Variants in MAPK10 observed in about 807,000 individuals in gnomAD.
The protein encoded by MAPK10 is JNK3 alpha protein kinase.
A neutral mutation model predicts 59.3 loss-of-function variants in MAPK10; 25 were observed. The ratio of observed to expected loss-of-function variants is 0.42; its 90% confidence interval spans 0.31 to 0.59. MAPK10 has a LOEUF of 0.59. MAPK10 is among the 20% of genes least tolerant of loss of function. The pLI is 0.15. For synonymous variants in MAPK10, 190 were observed against 200.5 expected, an observed-to-expected ratio of 0.95 and a Z score of 0.44; for missense variants, 351 against 568.9, an observed-to-expected ratio of 0.62 and a Z score of 3.90.
chr4:86,263,745 G>A (rs1360497740), intron 2 of MAPK10, among the ~76,000 whole-genome samples: 1 of 152,100 alleles, frequency 6.6e-6, no homozygotes, highest in Admixed American at 6.6e-5. Context: ...CTGCAAATTA[G>A]GAAGAACAAG....
chr4:86,218,783 T>C (rs1482112876), intron 2 of MAPK10, among the ~76,000 whole-genome samples: 1 of 152,168 alleles, frequency 6.6e-6, no homozygotes, highest in African/African-American at 2.4e-5. Flanking sequence ...TGGAAAAATC[T>C]AACGATATAA....
chr4:86,318,069 C>T (rs2095823779), intron 2 of MAPK10, among the ~76,000 whole-genome samples: 1 of 152,124 alleles, frequency 6.6e-6, no homozygotes. Flanking sequence ...CATAAGGACA[C>T]CAATTATATT....
chr4:86,152,360 C>G (rs1203992789), intron 4 of MAPK10: 6 of 152,116 alleles, frequency 3.9e-5, no homozygotes, highest in Admixed American at 3.9e-4. Context: ...TGACTGAGTA[C>G]CTTCCCTGAT....
At chr4:86,527,801 C>A (rs777969566) in intron 1 of MAPK10, among the ~76,000 whole-genome samples, 4 of 152,122 alleles carry the variant, frequency 2.6e-5, no homozygotes, top group Non-Finnish European at 4.4e-5. Flanking sequence ...AAAATATACA[C>A]CATGAAATAC....
intron 1 of MAPK10, among the ~76,000 whole-genome samples, chr4:86,509,255 G>T (rs1756026555): frequency 6.6e-6 from 1 of 151,978 alleles, no homozygotes; most frequent in South Asian, 2.1e-4. Context: ...GTAAATTGAG[G>T]TTTCCCTAAC....
chr4:86,217,800 A>T (rs1340008385), intron 2 of MAPK10, among the ~76,000 whole-genome samples: 3 of 149,660 alleles, frequency 2.0e-5, no homozygotes, highest in Non-Finnish European at 1.5e-5. Context: ...GGTAAATGCT[A>T]TATATATGCT....
intron 1 of MAPK10, among the ~76,000 whole-genome samples, chr4:86,355,148 CTT>C (rs1157937851): frequency 6.6e-6 from 1 of 152,148 alleles, no homozygotes; most frequent in Admixed American, 6.6e-5. Flanking sequence ...TACTAACCTA[CTT>C]TTTCACCATT....
At chr4:86,135,396 T>G (rs899197277) in intron 4 of MAPK10, among the ~76,000 whole-genome samples, 2 of 152,126 alleles carry the variant, frequency 1.3e-5, no homozygotes, top group Non-Finnish European at 2.9e-5. Flanking sequence ...CCGAGCAGCC[T>G]AACTGGGAGG....
intron 2 of MAPK10, among the ~76,000 whole-genome samples, chr4:86,329,382 C>G (rs958158755): frequency 2.6e-5 from 4 of 152,088 alleles, no homozygotes; most frequent in Non-Finnish European, 5.9e-5. Context: ...TTGGTTCTAC[C>G]CTTTTTTATA....
At chr4:86,101,576 T>C in intron 7 of MAPK10, 1 of 403,560 alleles carries the variant, frequency 2.5e-6, no homozygotes, top group South Asian at 3.7e-5. Context: ...GGAAGCTGTC[T>C]TTATGCTGCC....
At chr4:86,075,725 C>T (rs949591487) in intron 9 of MAPK10, among the ~76,000 whole-genome samples, 13 of 151,944 alleles carry the variant, frequency 8.6e-5, no homozygotes, top group African/African-American at 3.1e-4. Context: ...GGGTCAGGGA[C>T]CCACTTGAGG....
At chr4:86,390,468 G>A (rs1258743161) in intron 1 of MAPK10, among the ~76,000 whole-genome samples, 2 of 152,192 alleles carry the variant, frequency 1.3e-5, no homozygotes, top group African/African-American at 4.8e-5. Context: ...AACTTGGGCA[G>A]GATGCTACCT....
chr4:86,494,392 G>A (rs966572596), intron 1 of MAPK10, among the ~76,000 whole-genome samples: 2 of 152,176 alleles, frequency 1.3e-5, no homozygotes, highest in Admixed American at 6.5e-5. Context: ...GGGGACTGGC[G>A]TTCCACATGG....
intron 1 of MAPK10, among the ~76,000 whole-genome samples, chr4:86,510,832 A>T (rs1176171260): frequency 1.3e-5 from 2 of 152,164 alleles, no homozygotes; most frequent in East Asian, 3.9e-4. Flanking sequence ...AAAGCAAAAA[A>T]ATTGGCTCTC....
chr4:86,441,085 T>G (rs1036398530), intron 1 of MAPK10, among the ~76,000 whole-genome samples: 2 of 152,234 alleles, frequency 1.3e-5, no homozygotes, highest in African/African-American at 4.8e-5. Flanking sequence ...TATAAAATAT[T>G]AAACTATTAT....
chr4:86,571,148 T>G lies in MAPK10; in HGVS notation c.-263+22762A>C, dbSNP rs1194305460. ...CTGTCCTGTTTATTTTTTAAAGTTG[T>G]ATTGTTTTATATAAAAGATACTTAA... On this transcript the variant is annotated intron_variant, in intron 1 of 4. Coordinates refer to the MAPK10 transcript ENST00000502302. 2.0e-5 allele frequency among the ~76,000 whole-genome samples: 3 copies of G among 151,790 alleles called. No individual in the cohort carries two copies. In the South Asian group the frequency reaches 6.2e-4, roughly 32 times the overall value.
chr4:86,324,899 T>C (rs533244758), intron 2 of MAPK10, among the ~76,000 whole-genome samples: 1 of 152,312 alleles, frequency 6.6e-6, no homozygotes, highest in Non-Finnish European at 1.5e-5. Flanking sequence ...TCGCTCTTCA[T>C]AGCAAAACTT....
At chr4:86,280,407 A>G (rs931636020) in intron 2 of MAPK10, among the ~76,000 whole-genome samples, 8 of 152,312 alleles carry the variant, frequency 5.3e-5, no homozygotes, top group African/African-American at 1.9e-4. Context: ...ATAAGATACT[A>G]TCTCATGCCA....
chr4:86,592,623 G>T (rs1476889877), intron 1 of MAPK10, among the ~76,000 whole-genome samples: 1 of 152,178 alleles, frequency 6.6e-6, no homozygotes, highest in African/African-American at 2.4e-5. Context: ...AGATGATCCA[G>T]AACATTTAAA....
Sources: gnomAD v4.1 joint callset for allele counts (sites outside exome capture counted in the v4.1 genomes callset) on GRCh38, gnomAD v4.1.1 for gene constraint, MANE v1.5 for transcripts, NCBI Gene and HGNC (gene_info 2026-07-23, HGNC 2026-07-21) for gene names.